The following TDRD9 variants were observed in gnomAD, a reference collection of about 807,000 sequenced individuals.
TDRD9 encodes tudor domain containing 9, also known as ATP-dependent RNA helicase TDRD9.
A neutral mutation model predicts 172.6 loss-of-function variants in TDRD9; 124 were observed. The observed-to-expected ratio is 0.72, with a 90% confidence interval of 0.62 to 0.83. The LOEUF (loss-of-function observed/expected upper bound fraction) is 0.83. Among genes scored for constraint, TDRD9 ranks in the 40% least tolerant of loss-of-function variants. The pLI is 0.00. For synonymous variants in TDRD9, 619 were observed against 617.1 expected (o/e 1.00, Z -0.05); for missense variants, 1,479 against 1,714.1 (o/e 0.86, Z 2.42).
chr14:104,016,108 C>G lies in TDRD9; in HGVS notation c.2331+20C>G, dbSNP rs773321142. The G allele has an allele frequency of 1.9e-6, 3 of 1,543,382 alleles. No individual in the cohort carries two copies. The highest frequency in any genetic ancestry group is 2.7e-6 in the Non-Finnish European group (3 of 1,129,872). On this transcript the variant is annotated intron_variant, in intron 22 of 35. Transcript: ENST00000409874. The stretch of plus-strand genomic sequence containing the variant: ...GTCGTGGTAGGTGCTGGGGGCAGGC[C>G]GTCCTCTCTGGGGTGTGGTGGGGCA...
chr14:104,049,120 A>ATGTATGTGTG (rs1555377358), intron 34 of TDRD9, among the ~76,000 whole-genome samples: 4 of 101,980 alleles, frequency 3.9e-5, no homozygotes, highest in Non-Finnish European at 4.5e-5. Context: ...GTATGTATGT[A>ATGTATGTGTG]TGTGTGTGTG....
chr14:103,969,223 G>A (rs1035319942), intron 5 of TDRD9, among the ~76,000 whole-genome samples: 32 of 150,972 alleles, frequency 2.1e-4, no homozygotes, highest in African/African-American at 7.6e-4. Context: ...AGGGGCTGAG[G>A]TTATAAAGAT....
intron 7 of TDRD9, among the ~76,000 whole-genome samples, chr14:103,981,132 C>A (rs1178578425): frequency 6.6e-6 from 1 of 152,162 alleles, no homozygotes; most frequent in Non-Finnish European, 1.5e-5. Context: ...GCCGCCCACA[C>A]CTGTCCTCAA....
intron 1 of TDRD9, among the ~76,000 whole-genome samples, chr14:103,936,448 G>T (rs185066271): frequency 6.6e-6 from 1 of 152,252 alleles, no homozygotes; most frequent in African/African-American, 2.4e-5. Flanking sequence ...TCTAGACATG[G>T]TGAGAGTTGC....
Position 104,040,191 on chromosome 14 carries a change from T to C in TDRD9, c.3717-5T>C, listed in dbSNP as rs763936747. The C allele has an allele frequency of 1.2e-5, 18 of 1,501,160 alleles. No homozygotes were observed. Among genetic ancestry groups the C allele is most frequent in the Non-Finnish European group, 3.6e-6 (4 of 1,118,500 alleles). The allele number at this position is 1,501,160 out of a possible 1,614,324, so 93.0% of individuals were successfully genotyped here. On this transcript the variant is annotated splice_region_variant and splice_polypyrimidine_tract_variant and intron_variant, in intron 32 of 35. Coordinates refer to ENST00000409874, the MANE Select transcript of TDRD9 (RefSeq NM_153046.3). ...AATGGACTCTTCTGAAAACATTCCA[T>C]TTAGGATTGATCAGAATGGCAAGTA...
At chr14:104,038,435 A>C (rs965282903) in intron 32 of TDRD9, among the ~76,000 whole-genome samples, 1 of 152,128 alleles carries the variant, frequency 6.6e-6, no homozygotes, top group African/African-American at 2.4e-5. Flanking sequence ...GTGGGTGAGG[A>C]ACTATGTCAG....
At chr14:103,973,537 T>C (rs1302158363) in intron 6 of TDRD9, among the ~76,000 whole-genome samples, 1 of 152,212 alleles carries the variant, frequency 6.6e-6, no homozygotes, top group East Asian at 1.9e-4. Context: ...CTGACTTGCC[T>C]GTTTGGAGAA....
chr14:103,983,297 A>T (rs923244435), intron 7 of TDRD9, among the ~76,000 whole-genome samples: 1 of 151,960 alleles, frequency 6.6e-6, no homozygotes, highest in Non-Finnish European at 1.5e-5. Context: ...TCCTGACCTC[A>T]AATGATCCAC....
rs770114590 is a variant in TDRD9 at position 104,014,811 on chromosome 14, G to GTA, written c.2202_2203dup (p.Lys735IlefsTer31). 2.5e-6 allele frequency: 4 copies of GTA among 1,609,956 alleles called. No individual in the cohort carries two copies. The highest frequency in any genetic ancestry group is 1.7e-5 in the Admixed American group (1 of 59,922). ...CTCGGCGACCTGTCATGGACCAAGA[G>GTA]TATATATATAAGCAGCGATTCATCC... On this transcript the variant is annotated frameshift_variant, in exon 21 of 36. Coordinates refer to ENST00000409874, the MANE Select transcript of TDRD9 (RefSeq NM_153046.3). LOFTEE classifies it high-confidence loss of function.
intron 1 of TDRD9, among the ~76,000 whole-genome samples, chr14:103,954,117 A>G (rs1255651537): frequency 6.6e-6 from 1 of 152,224 alleles, no homozygotes; most frequent in East Asian, 1.9e-4. Context: ...GATAGCATAT[A>G]ATACATATCA....
At chr14:104,004,858 T>C (rs576425032) in intron 14 of TDRD9, among the ~76,000 whole-genome samples, 18 of 152,294 alleles carry the variant, frequency 1.2e-4, no homozygotes, top group Non-Finnish European at 2.2e-4. Context: ...ATCTATGGGC[T>C]CTATAATAGG....
intron 2 of TDRD9, among the ~76,000 whole-genome samples, chr14:103,956,094 AAAAAAAAAAAAAAAAAAATATATAT>A (rs2032184199): frequency 8.5e-5 from 4 of 46,908 alleles, no homozygotes; most frequent in African/African-American, 3.4e-4. Flanking sequence ...AAAAAAAAAA[AAAAAAAAAAAAAAAAAAATATATAT>A]ATATATATAT....
rs139874961 is a variant in TDRD9 at position 104,010,921 on chromosome 14, A to G, written c.2106+2455A>G. Among the ~76,000 whole-genome samples the G allele has an allele frequency of 7.0e-3, 1,064 of 152,278 alleles. 10 individuals carry two copies. Among genetic ancestry groups the G allele is most frequent in the African/African-American group, 0.024 (999 of 41,564 alleles). ...AAGTGGGCCCTCGCTGTTCAACCCC[A>G]TGTTGTTCAGGGGTGAACTGAAATG... On this transcript the variant is annotated intron_variant, in intron 20 of 35. Transcript: ENST00000409874.
At chr14:104,005,619 C>CA (rs2034413022) in intron 15 of TDRD9, among the ~76,000 whole-genome samples, 1 of 152,162 alleles carries the variant, frequency 6.6e-6, no homozygotes, top group Non-Finnish European at 1.5e-5. Flanking sequence ...TGGCTTGCTT[C>CA]ATCCATTCCT....
chr14:103,933,388 G>C (rs562406899), intron 1 of TDRD9, among the ~76,000 whole-genome samples: 20 of 152,226 alleles, frequency 1.3e-4, no homozygotes, highest in African/African-American at 4.6e-4. Context: ...TTAACTCCTG[G>C]CTCATGAAGA....
rs544139805 is a variant in TDRD9, at chr14:104,048,975, A to G, written c.3975-633A>G. On this transcript the variant is annotated intron_variant, in intron 34 of 35. Coordinates refer to ENST00000409874, the MANE Select transcript of TDRD9 (RefSeq NM_153046.3). ...GTGGGAGCGGCTCCCTACCCCAGCA[A>G]GAACTCCACATACTCCACTGTTCTC... Among the ~76,000 whole-genome samples the G allele has an allele frequency of 1.2e-4, 19 of 152,284 alleles. No homozygotes were observed. The East Asian group carries it at 3.7e-3, about 29-fold the overall frequency.
At chr14:103,951,634 G>T (rs949621531) in intron 1 of TDRD9, among the ~76,000 whole-genome samples, 12 of 152,154 alleles carry the variant, frequency 7.9e-5, no homozygotes, top group Non-Finnish European at 1.8e-4. Flanking sequence ...TTTCCTGTAA[G>T]TCTCTTGGGA....
chr14:104,047,770 T>C (rs1307565858), intron 34 of TDRD9, among the ~76,000 whole-genome samples: 1 of 152,212 alleles, frequency 6.6e-6, no homozygotes, highest in Non-Finnish European at 1.5e-5. Flanking sequence ...ACTGATCCTT[T>C]ATTATTTCAT....
In TDRD9 at chr14:104,034,962, T is replaced by G; in HGVS notation, c.3622T>G (p.Ser1208Ala). The G allele has an allele frequency of 6.4e-7, 1 of 1,551,278 alleles. No homozygotes were observed. The change falls in exon 32 of 36, where the codon TCT becomes GCT. Residue 1208 changes from serine to alanine, a missense_variant and splice_region_variant. Ser to Ala is a moderately conservative substitution (Grantham distance 99). Coordinates refer to ENST00000409874, the MANE Select transcript of TDRD9 (RefSeq NM_153046.3). ...TTGATTTAGCATGACTTGAACAGGA[T>G]CTACGATGCTGCTGAGAGAAACCTC... ...AASLSINATG[S>A]TMLLRETSLM...
Sources: gnomAD v4.1 joint callset for allele counts (sites outside exome capture counted in the v4.1 genomes callset) on GRCh38, gnomAD v4.1.1 for gene constraint, MANE v1.5 for transcripts, NCBI Gene and HGNC (gene_info 2026-07-23, HGNC 2026-07-21) for gene names.